The following CSMD1 variants were observed in gnomAD, a reference collection of about 807,000 sequenced individuals.
CSMD1 encodes CUB and sushi domain-containing protein 1.
In CSMD1, 213 loss-of-function variants were observed where a neutral mutation model predicts 417.5. The observed-to-expected ratio is 0.51, with a 90% CI of 0.46 to 0.57. The LOEUF (loss-of-function observed/expected upper bound fraction) is 0.57. Among genes scored for constraint, CSMD1 ranks in the 20% least tolerant of loss-of-function variants. The probability of loss-of-function intolerance (pLI) is 0.00; values close to 1 mark genes in which losing one functional copy is unlikely to be tolerated. For missense variants in CSMD1, 6,923 were observed against 4,529.7 expected (o/e 1.53, Z -15.17); for synonymous variants, 2,862 against 1,736.8 (o/e 1.65, Z -16.11).
chr8:4,592,181 G>A (rs1402009258), intron 2 of CSMD1, among the ~76,000 whole-genome samples: 1 of 151,276 alleles, frequency 6.6e-6, no homozygotes. Flanking sequence ...TACTCTCAGG[G>A]TAGATTTCAT....
intron 3 of CSMD1, among the ~76,000 whole-genome samples, chr8:4,403,730 T>C (rs192404022): frequency 1.3e-3 from 195 of 152,330 alleles, no homozygotes; most frequent in Non-Finnish European, 4.4e-4. Context: ...TCTTGCCTGC[T>C]GATGACCTCA....
chr8:3,380,097 T>C (rs1585078814), intron 18 of CSMD1, among the ~76,000 whole-genome samples: 1 of 152,276 alleles, frequency 6.6e-6, no homozygotes, highest in Admixed American at 6.5e-5. Context: ...CAGACACTTC[T>C]CTAAAGAAGA....
At chr8:4,162,960 A>T (rs946066287) in intron 3 of CSMD1, among the ~76,000 whole-genome samples, 2 of 152,168 alleles carry the variant, frequency 1.3e-5, no homozygotes, top group Non-Finnish European at 2.9e-5. Context: ...TGCCTTTTCC[A>T]AAATGCCCTA....
At chr8:3,870,440 C>T (rs1805404228) in intron 5 of CSMD1, among the ~76,000 whole-genome samples, 1 of 152,130 alleles carries the variant, frequency 6.6e-6, no homozygotes, top group Admixed American at 6.5e-5. Flanking sequence ...TATATCTTTA[C>T]ATGTTGGTGG....
At chr8:3,985,831 G>T (rs559349163) in intron 5 of CSMD1, among the ~76,000 whole-genome samples, 9 of 150,766 alleles carry the variant, frequency 6.0e-5, no homozygotes, top group Admixed American at 4.6e-4. Context: ...ATTCTTCAAT[G>T]CTGAGACTGT....
chr8:4,121,294 T>C (rs977490783), intron 3 of CSMD1, among the ~76,000 whole-genome samples: 4 of 151,996 alleles, frequency 2.6e-5, no homozygotes, highest in African/African-American at 4.8e-5. Context: ...TTTGTATTTT[T>C]AGTAGAGACA....
At chr8:4,131,075 G>A (rs769890786) in intron 3 of CSMD1, among the ~76,000 whole-genome samples, 12 of 152,312 alleles carry the variant, frequency 7.9e-5, no homozygotes, top group Non-Finnish European at 1.8e-4. Flanking sequence ...AAATGCCTCA[G>A]AGAAGTGTGA....
At chr8:3,780,480 T>C (rs1799116641) in intron 5 of CSMD1, among the ~76,000 whole-genome samples, 1 of 152,198 alleles carries the variant, frequency 6.6e-6, no homozygotes, top group Non-Finnish European at 1.5e-5. Context: ...ACATCCTGAA[T>C]CGAGTATCAG....
intron 36 of CSMD1, among the ~76,000 whole-genome samples, chr8:3,185,152 C>T (rs1164832344): frequency 1.3e-5 from 2 of 152,226 alleles, no homozygotes; most frequent in Non-Finnish European, 2.9e-5. Flanking sequence ...CGAGGGCTTG[C>T]AGCTGACGTC....
chr8:3,867,259 A>G (rs1475444459), intron 5 of CSMD1, among the ~76,000 whole-genome samples: 1 of 152,214 alleles, frequency 6.6e-6, no homozygotes, highest in Non-Finnish European at 1.5e-5. Flanking sequence ...GTAAGAAGCA[A>G]GACCATACCA....
intron 1 of CSMD1, among the ~76,000 whole-genome samples, chr8:4,684,022 G>A (rs559030253): frequency 6.6e-6 from 1 of 152,286 alleles, no homozygotes; most frequent in South Asian, 2.1e-4. Context: ...GTGAATGGTT[G>A]TACATCAGTA....
At chr8:4,356,858 C>T (rs936763077) in intron 3 of CSMD1, among the ~76,000 whole-genome samples, 3 of 152,178 alleles carry the variant, frequency 2.0e-5, no homozygotes, top group Admixed American at 1.3e-4. Flanking sequence ...TCTGCCCTTT[C>T]CTCTAAAATC....
intron 30 of CSMD1, among the ~76,000 whole-genome samples, chr8:3,208,800 C>T (rs111459541): frequency 0.011 from 1,688 of 152,170 alleles, 21 homozygotes; most frequent in Non-Finnish European, 0.017. Flanking sequence ...AGTCTCCCAG[C>T]CTACATCTTT....
chr8:3,288,655 T>C (rs1803328682), intron 25 of CSMD1, among the ~76,000 whole-genome samples: 1 of 147,280 alleles, frequency 6.8e-6, no homozygotes, highest in South Asian at 2.1e-4. Flanking sequence ...ATCCCTTTTA[T>C]CATTTTTTAT....
chr8:4,429,053 T>TA lies in CSMD1; in HGVS notation c.303-8989dup, dbSNP rs1193362955. On this transcript the variant is annotated intron_variant, in intron 2 of 69. Transcript: ENST00000635120. ...TTTTTTAATAAGAGTTTTACATACT[T>TA]ACAGTGTACAATACAATGTCTCAGT... is the stretch of plus-strand genomic sequence containing the variant. 4.6e-5 allele frequency among the ~76,000 whole-genome samples: 7 copies of TA among 152,020 alleles called. No homozygotes were observed. In the East Asian group the frequency reaches 1.4e-3, roughly 29 times the overall value.
At position 2,942,592 on chromosome 8, in the gene CSMD1, G is replaced by C; in HGVS notation, c.10415C>G (p.Pro3472Arg). 1 of 1,587,186 alleles carries C rather than the reference G, an allele frequency of 6.3e-7. No homozygotes were observed. Among genetic ancestry groups the C allele is most frequent in the Non-Finnish European group, 8.6e-7 (1 of 1,165,768 alleles). ...FKLERQDPLN[P>R]DQDSSSHYHG... The stretch of plus-strand genomic sequence containing the variant: ...GTAATGACTGGAAGAGTCTTGATCT[G>C]GGTTTAAAGGATCTGTAAGATAAAG... Residue 3472 changes from proline (P) to arginine (R), a missense_variant, in exon 69 of 70, where the codon CCA (proline) becomes CGA (arginine). By Grantham distance (103) the Pro-to-Arg change is moderately radical. Transcript: ENST00000635120.
intron 1 of CSMD1, among the ~76,000 whole-genome samples, chr8:4,743,283 C>G (rs1353675186): frequency 6.6e-6 from 1 of 152,084 alleles, no homozygotes; most frequent in Non-Finnish European, 1.5e-5. Context: ...AAATTCTAAA[C>G]AAGAAATATC....
chr8:3,862,602 C>T (rs867950645), intron 5 of CSMD1, among the ~76,000 whole-genome samples: 1 of 152,242 alleles, frequency 6.6e-6, no homozygotes, highest in Non-Finnish European at 1.5e-5. Flanking sequence ...TTTGCTTATA[C>T]ATGGCCATAC....
intron 1 of CSMD1, among the ~76,000 whole-genome samples, chr8:4,764,888 A>C (rs112623646): frequency 4.6e-5 from 2 of 43,720 alleles, no homozygotes; most frequent in East Asian, 8.0e-4. Flanking sequence ...AAAAAAAAAA[A>C]AAAAAACAAC....
Sources: allele counts gnomAD v4.1 joint callset (sites outside exome capture counted in the v4.1 genomes callset), GRCh38; gene constraint gnomAD v4.1.1; transcripts MANE v1.5; gene names NCBI Gene and HGNC (gene_info 2026-07-23, HGNC 2026-07-21).